Variants in POLN observed in about 807,000 individuals in gnomAD.
The protein encoded by POLN is DNA polymerase nu.
POLN carries 108 observed loss-of-function variants against 113.5 expected under a neutral mutation model. The ratio of observed to expected loss-of-function variants is 0.95; its 90% CI spans 0.81 to 1.12. The LOEUF (loss-of-function observed/expected upper bound fraction) is 1.12, where lower values mean the gene tolerates loss of function less well. POLN is among the 50% of genes most tolerant of loss of function. The pLI is 0.00. For synonymous variants in POLN, 386 were observed against 391.5 expected (o/e 0.99, Z 0.17); for missense variants, 1,097 against 1,077.1 (o/e 1.02, Z -0.26).
intron 20 of POLN, chr4:2,089,398 A>G (rs1730616926): frequency 6.5e-6 from 9 of 1,382,128 alleles, no homozygotes; most frequent in Non-Finnish European, 7.9e-6. Flanking sequence ...TAGATCTGTG[A>G]AACTGACAGA....
intron 21 of POLN, 102 bp from the exon 22 acceptor site, chr4:2,081,845 C>CTGCAG (rs1730429248): frequency 1.1e-6 from 1 of 935,764 alleles, no homozygotes; most frequent in East Asian, 2.6e-5. Context: ...GACAGCCGCA[C>CTGCAG]TGCAGTGCAG....
chr4:2,172,457 C>T (rs962383929), intron 11 of POLN, among the ~76,000 whole-genome samples: 9 of 152,198 alleles, frequency 5.9e-5, no homozygotes, highest in African/African-American at 9.7e-5. Context: ...AAAATCTCAA[C>T]TCCCCTTCCT....
chr4:2,177,005 C>T (rs1427372899), intron 8 of POLN, among the ~76,000 whole-genome samples: 1 of 152,186 alleles, frequency 6.6e-6, no homozygotes, highest in Non-Finnish European at 1.5e-5. Context: ...GTGAACATCC[C>T]ATGGGACCAG....
chr4:2,141,277 C>A (rs1343383744), intron 16 of POLN, among the ~76,000 whole-genome samples: 5 of 152,224 alleles, frequency 3.3e-5, no homozygotes, highest in Admixed American at 3.3e-4. Flanking sequence ...CCAGTTTAGA[C>A]ATGTGGGGAA....
chr4:2,207,383 G>T (rs1021177886), intron 5 of POLN, among the ~76,000 whole-genome samples: 7 of 150,782 alleles, frequency 4.6e-5, no homozygotes, highest in African/African-American at 1.7e-4. Flanking sequence ...GAAAAGGAAA[G>T]GTTTTTAAAA....
At chr4:2,195,803 C>A (rs936317249) in intron 6 of POLN, among the ~76,000 whole-genome samples, 5 of 152,038 alleles carry the variant, frequency 3.3e-5, no homozygotes, top group African/African-American at 1.2e-4. Flanking sequence ...TAAACAAAAG[C>A]CTAGTTGGTA....
In POLN at chr4:2,096,855, C is replaced by T. The variant is rs758985351; in HGVS notation, c.1983-922G>A. 3.1e-4 allele frequency among the ~76,000 whole-genome samples: 47 copies of T among 152,178 alleles called. 1 individual carries two copies. Among genetic ancestry groups the T allele is most frequent in the Non-Finnish European group, 1.5e-4 (10 of 68,032 alleles). On this transcript the variant is annotated intron_variant, in intron 19 of 25. Transcript: ENST00000511885. ...CACAGCTCTACCTTAGCCTTCACTTCCTACTTGCACTGAGCATAGAGACCA... is the reference window on the plus strand; with the variant it reads ...CACAGCTCTACCTTAGCCTTCACTTTCTACTTGCACTGAGCATAGAGACCA...
At position 2,179,315 on chromosome 4, in the gene POLN, T is replaced by G; in HGVS notation, c.1172A>C (p.Asn391Thr). 2 of 1,611,408 alleles carry G rather than the reference T, an allele frequency of 1.2e-6. No homozygotes were observed. Among genetic ancestry groups the G allele is most frequent in the Non-Finnish European group, 1.7e-6 (2 of 1,178,660 alleles). The change falls in exon 8 of 26, where the codon AAT becomes ACT. Residue 391 changes from asparagine (N) to threonine (T), a missense_variant. Coordinates refer to ENST00000511885, the MANE Select transcript of POLN (RefSeq NM_181808.4). ...TTATCTTAAACAACTCACCACAATA[T>G]TTCTTGAGGAATTTCCATATGTGCT... ...VNSTYGNSSR[N>T]IVNQNVRENL... is the part of the protein sequence containing the mutation.
At chr4:2,187,456 CTGG>C (rs1435713196) in intron 7 of POLN, among the ~76,000 whole-genome samples, 5 of 152,104 alleles carry the variant, frequency 3.3e-5, no homozygotes, top group African/African-American at 9.7e-5. Context: ...GTTGGCCAGG[CTGG>C]TCTCGAACTC....
At chr4:2,163,711 G>C (rs1732658512) in intron 13 of POLN, among the ~76,000 whole-genome samples, 1 of 152,272 alleles carries the variant, frequency 6.6e-6, no homozygotes, top group Non-Finnish European at 1.5e-5. Context: ...TGACTCGTGG[G>C]ATCAGCTGTG....
chr4:2,119,375 G>A (rs1335283128), intron 19 of POLN, among the ~76,000 whole-genome samples: 1 of 151,692 alleles, frequency 6.6e-6, no homozygotes, highest in Non-Finnish European at 1.5e-5. Flanking sequence ...GGACCCCGAA[G>A]TGCATAATGG....
chr4:2,181,999 C>CAAAA (rs546309359), intron 7 of POLN, among the ~76,000 whole-genome samples: 2 of 98,886 alleles, frequency 2.0e-5, no homozygotes, highest in African/African-American at 6.4e-5. Context: ...GACTCCGTCT[C>CAAAA]AAAAAAAAAA....
rs181477255 is a variant in POLN, at chr4:2,078,467, C to T, written c.2387+2491G>A. 4.5e-6 allele frequency: 3 copies of T among 666,104 alleles called. No individual in the cohort carries two copies. The East Asian group carries it at 4.1e-4, about 91-fold the overall frequency. The allele number at this position is 666,104 out of a possible 1,614,324, so 41.3% of individuals were successfully genotyped here. Reference sequence around the variant, plus strand: ...CCCTTGGGGTGGCCAGATGAATCTTCTTCTTCTTTTTTTTTTTTTTTGTTA... The same window carrying T: ...CCCTTGGGGTGGCCAGATGAATCTTTTTCTTCTTTTTTTTTTTTTTTGTTA... On this transcript the variant is annotated intron_variant, in intron 23 of 25. Transcript: ENST00000511885.
chr4:2,240,921 T>G, intron 2 of POLN: 1 of 1,598,978 alleles, frequency 6.3e-7, no homozygotes, highest in Non-Finnish European at 8.5e-7. Context: ...TTTTAATGTT[T>G]CCACAAACTC....
rs867988471 is a variant in POLN at position 2,107,332 on chromosome 4, T to C, written c.1983-11399A>G. On this transcript the variant is annotated intron_variant, in intron 19 of 25. Transcript: ENST00000511885. The stretch of plus-strand genomic sequence containing the variant: ...TCCAGTTTTTAAGCTTGTCTCATTA[T>C]TTCATCAACTAGAGTAACCATACAT... 1.2e-4 allele frequency among the ~76,000 whole-genome samples: 18 copies of C among 152,352 alleles called. No individual in the cohort carries two copies. In the Middle Eastern group the frequency reaches 0.014, roughly 115 times the overall value.
chr4:2,139,959 C>T (rs1481921910), intron 16 of POLN: 1 of 152,200 alleles, frequency 6.6e-6, no homozygotes, highest in African/African-American at 2.4e-5. Flanking sequence ...CAGGAAATAA[C>T]AACTTACGAG....
intron 3 of POLN, among the ~76,000 whole-genome samples, chr4:2,215,123 G>C (rs1223048763): frequency 1.3e-5 from 2 of 151,884 alleles, no homozygotes; most frequent in Admixed American, 6.6e-5. Flanking sequence ...TTATGGCAAA[G>C]GACTGAAAAT....
intron 19 of POLN, among the ~76,000 whole-genome samples, chr4:2,115,228 A>ATATATTT (rs72052264): frequency 1.5e-5 from 2 of 129,988 alleles, no homozygotes; most frequent in East Asian, 2.2e-4. Context: ...ATATATATAT[A>ATATATTT]TTTTTTTTTT....
chr4:2,242,110 G>C lies in POLN; in HGVS notation c.-343C>G. 1.0e-6 allele frequency: 1 copy of C among 985,908 alleles called. No individual in the cohort carries two copies. The highest frequency in any genetic ancestry group is 1.2e-6 in the Non-Finnish European group (1 of 830,264). The allele number at this position is 985,908 out of a possible 1,614,324, so 61.1% of individuals were successfully genotyped here. On this transcript the variant is annotated 5_prime_UTR_variant, in exon 1 of 26. Transcript: ENST00000511885. ...GCCGCCACCGCCCTCCGTGCCCCGC[G>C]CGCCTCGCACTGCCTCACGGGAGCG...
Sources: gnomAD v4.1 joint callset for allele counts (sites outside exome capture counted in the v4.1 genomes callset) on GRCh38, gnomAD v4.1.1 for gene constraint, MANE v1.5 for transcripts, NCBI Gene and HGNC (gene_info 2026-07-23, HGNC 2026-07-21) for gene names.